Variants in KCNQ1 observed in about 807,000 individuals in gnomAD.
The protein encoded by KCNQ1 is potassium voltage-gated channel subfamily KQT member 1.
Under a neutral mutation model 72.4 loss-of-function variants are expected in KCNQ1, and 49 were observed. That is an observed-to-expected ratio of 0.68 (90% CI 0.54 to 0.86). KCNQ1 has a LOEUF of 0.86. Among genes scored for constraint, KCNQ1 ranks in the 40% least tolerant of loss-of-function variants. The pLI is 0.00. For synonymous variants in KCNQ1, 450 were observed against 412.6 expected (o/e 1.09, Z -1.10); for missense variants, 790 against 945.1 (o/e 0.84, Z 2.15).
At position 2,685,838 on chromosome 11, in the gene KCNQ1, C is replaced by T. The variant is rs1309589556; in HGVS notation, c.1514+23757C>T. 1.3e-5 allele frequency: 5 copies of T among 398,576 alleles called. No individual in the cohort carries two copies. In the Admixed American group the frequency reaches 1.3e-4, roughly 11 times the overall value. The allele number at this position is 398,576 out of a possible 1,614,324, so 24.7% of individuals were successfully genotyped here. A position where few individuals can be genotyped will look rare whatever the true frequency, so the allele number is the denominator to read the frequency against. On this transcript the variant is annotated intron_variant, in intron 11 of 15. Transcript: ENST00000155840. ...TTCCTACTAGAACGAGGCTGTTTCC[C>T]AGGCTGCCTCCTGCTTCACCCAGGA...
At chr11:2,812,405 C>T (rs528596534) in intron 15 of KCNQ1, among the ~76,000 whole-genome samples, 4 of 152,114 alleles carry the variant, frequency 2.6e-5, no homozygotes, top group South Asian at 4.1e-4. Flanking sequence ...TGGCAGTGCT[C>T]GGGGGCTCCA....
chr11:2,672,134 C>T, intron 11 of KCNQ1: 1 of 398,752 alleles, frequency 2.5e-6, no homozygotes, highest in Non-Finnish European at 4.4e-6. Flanking sequence ...CTAATCCTCC[C>T]TCTTTGGGCC....
At chr11:2,689,598 C>A in intron 11 of KCNQ1, 1 of 398,670 alleles carries the variant, frequency 2.5e-6, no homozygotes, top group South Asian at 1.3e-4. Context: ...CTTCTAGATT[C>A]TCAAGGATCC....
intron 10 of KCNQ1, chr11:2,633,207 A>G (rs1007990245): frequency 5.0e-6 from 2 of 398,420 alleles, no homozygotes; most frequent in Middle Eastern, 6.3e-4. Flanking sequence ...CAGTTGTTCT[A>G]TTTTGCACAT....
chr11:2,739,694 G>A (rs1846018787), intron 11 of KCNQ1, among the ~76,000 whole-genome samples: 1 of 152,242 alleles, frequency 6.6e-6, no homozygotes, highest in South Asian at 2.1e-4. Context: ...AGCTCCAGGA[G>A]CTGACATGCT....
chr11:2,773,929 A>T (rs1846647649), intron 12 of KCNQ1, among the ~76,000 whole-genome samples: 1 of 151,524 alleles, frequency 6.6e-6, no homozygotes, highest in African/African-American at 2.4e-5. Flanking sequence ...CTTAAAGAAG[A>T]GAGAGACAGG....
intron 10 of KCNQ1, chr11:2,630,980 A>C: frequency 2.5e-6 from 1 of 398,488 alleles, no homozygotes. Flanking sequence ...AGATGTAAGA[A>C]CTTTATTTAT....
intron 6 of KCNQ1, among the ~76,000 whole-genome samples, chr11:2,575,371 C>T (rs1200103719): frequency 6.6e-6 from 1 of 152,136 alleles, no homozygotes; most frequent in Non-Finnish European, 1.5e-5. Context: ...CCCTGGGCCC[C>T]CCACCGCCCA....
At position 2,445,452 on chromosome 11, in the gene KCNQ1, C is replaced by A. The variant is rs774963923; in HGVS notation, c.354C>A (p.Thr118=). 1 of 1,596,922 alleles carries A rather than the reference C, an allele frequency of 6.3e-7. No homozygotes were observed. The highest frequency in any genetic ancestry group is 1.3e-5 in the African/African-American group (1 of 74,922). ...TCTACAACTTCCTCGAGCGTCCCAC[C>A]GGCTGGAAATGCTTCGTTTACCACT... The part of the protein sequence containing the change: ...GRVYNFLERP[T]GWKCFVYHFA... Residue 118 remains threonine (T), a synonymous_variant, in exon 1 of 16, where the codon ACC becomes ACA. Coordinates refer to ENST00000155840, the MANE Select transcript of KCNQ1 (RefSeq NM_000218.3).
At chr11:2,736,304 T>C (rs749189583) in intron 11 of KCNQ1, among the ~76,000 whole-genome samples, 2 of 152,194 alleles carry the variant, frequency 1.3e-5, no homozygotes, top group African/African-American at 4.8e-5. Flanking sequence ...CGACCGAGCT[T>C]GGGCCGTATC....
rs1846894476 is a variant in KCNQ1, at chr11:2,785,572, A to G, written c.1794+7535A>G. 1.3e-5 allele frequency among the ~76,000 whole-genome samples: 2 copies of G among 151,786 alleles called. No individual in the cohort carries two copies. Among genetic ancestry groups the G allele is most frequent in the South Asian group, 4.1e-4 (2 of 4,826 alleles). ...TAGGATTTCAGGTTTGTCTTTTGTA[A>G]ACACTGTATTACTGAGTTTTTAAAA... On this transcript the variant is annotated intron_variant, in intron 15 of 15. Transcript: ENST00000155840. This position sits in a 1 kb window ranked among gnomAD's most constrained non-coding sequence, Gnocchi z 4.4.
chr11:2,631,387 T>C (rs949444085), intron 10 of KCNQ1: 4 of 398,488 alleles, frequency 1.0e-5, no homozygotes, highest in African/African-American at 8.2e-5. Flanking sequence ...TATTTCACTT[T>C]TCATTTCATG....
chr11:2,694,199 C>T (rs1850634995), intron 11 of KCNQ1: 3 of 398,660 alleles, frequency 7.5e-6, no homozygotes, highest in Non-Finnish European at 1.3e-5. Flanking sequence ...GTCTTTCTCA[C>T]CGAGGTGGTG....
At chr11:2,689,319 G>T in intron 11 of KCNQ1, 1 of 398,666 alleles carries the variant, frequency 2.5e-6, no homozygotes, top group Non-Finnish European at 4.4e-6. Context: ...GCCACCTCAG[G>T]ACTGCCCCTA....
Position 2,735,222 on chromosome 11 carries a change from A to G in KCNQ1, c.1515-33622A>G, listed in dbSNP as rs1845936302. On this transcript the variant is annotated intron_variant, in intron 11 of 15. Coordinates refer to ENST00000155840, the MANE Select transcript of KCNQ1 (RefSeq NM_000218.3). This position sits in a 1 kb window ranked among gnomAD's most constrained non-coding sequence, Gnocchi z 7.7. Reference sequence around the variant, plus strand: ...GCTCAGGGGGCTCTCCTTGATGGTGACCCCCTATGAGACGCCACTTGCCCT... The same window carrying G: ...GCTCAGGGGGCTCTCCTTGATGGTGGCCCCCTATGAGACGCCACTTGCCCT... 6.6e-6 allele frequency among the ~76,000 whole-genome samples: 1 copy of G among 151,812 alleles called. No individual in the cohort carries two copies. Among genetic ancestry groups the G allele is most frequent in the South Asian group, 2.1e-4 (1 of 4,824 alleles).
At position 2,676,691 on chromosome 11, in the gene KCNQ1, C is replaced by T. The variant is rs148188728; in HGVS notation, c.1514+14610C>T. On this transcript the variant is annotated intron_variant, in intron 11 of 15. Transcript: ENST00000155840. The surrounding 1 kb of genome is among the most constrained non-coding windows in gnomAD (Gnocchi z 4.2). ...TATTTCCAAGGGAGCACTAACTGGA[C>T]TACAGCCTGGCAGGAGATAACCAAG... 5.3e-5 allele frequency: 21 copies of T among 398,652 alleles called. No homozygotes were observed. The highest frequency in any genetic ancestry group is 4.0e-4 in the Admixed American group (9 of 22,742). The allele number at this position is 398,652 out of a possible 1,614,324, so 24.7% of individuals were successfully genotyped here. A position where few individuals can be genotyped will look rare whatever the true frequency, so the allele number is the denominator to read the frequency against.
In KCNQ1 at chr11:2,662,018, G is replaced by C. The variant is rs199473477; in HGVS notation, c.1451G>C (p.Ser484Thr). 1 of 1,614,238 alleles carries C rather than the reference G, an allele frequency of 6.2e-7. No individual in the cohort carries two copies. The highest frequency in any genetic ancestry group is 8.5e-7 in the Non-Finnish European group (1 of 1,180,040). The change falls in exon 11 of 16, where the codon AGC (serine) becomes ACC (threonine). Residue 484 changes from serine to threonine, a missense_variant. By Grantham distance (58) the Ser-to-Thr change is moderately conservative. Around this residue, in one of 5 missense-constraint regions of KCNQ1, gnomAD observed 178 missense variants for 177.9 expected, o/e 1.00. Transcript: ENST00000155840. ...ATGCCCCATTTCATGAGAACCAACA[G>C]CTTCGCCGAGGACCTGGACCTGGAA... ...VSMPHFMRTN[S>T]FAEDLDLEGE...
At chr11:2,596,326 T>C (rs1327459690) in intron 10 of KCNQ1, among the ~76,000 whole-genome samples, 1 of 152,230 alleles carries the variant, frequency 6.6e-6, no homozygotes, top group Admixed American at 6.5e-5. Flanking sequence ...ACAGCGATTC[T>C]ATTCCTAGGT....
At chr11:2,583,053 C>T (rs891641485) in intron 6 of KCNQ1, among the ~76,000 whole-genome samples, 3 of 152,138 alleles carry the variant, frequency 2.0e-5, no homozygotes, top group African/African-American at 7.2e-5. Context: ...TGGGAGCTCC[C>T]GGTCTCCTGG....
Sources: gnomAD v4.1 joint callset for allele counts (sites outside exome capture counted in the v4.1 genomes callset) on GRCh38, gnomAD v4.1.1 for gene constraint, gnomAD v4.1.1 regional missense constraint, Gnocchi (gnomAD v3.1) non-coding constraint, MANE v1.5 for transcripts, NCBI Gene and HGNC (gene_info 2026-07-23, HGNC 2026-07-21) for gene names.